The following MAK variants were observed in gnomAD, a reference collection of about 807,000 sequenced individuals.
MAK encodes male germ cell associated kinase.
Under a neutral mutation model 82.6 loss-of-function variants are expected in MAK, and 65 were observed. The observed-to-expected ratio is 0.79, with a 90% CI of 0.64 to 0.97. The LOEUF (loss-of-function observed/expected upper bound fraction) is 0.97. Ranked by LOEUF, MAK falls within the 50% of genes least tolerant of loss-of-function variation. The pLI, the probability that MAK is intolerant of heterozygous loss-of-function variation, is 0.00. For missense variants in MAK, 703 were observed against 780.2 expected (o/e 0.90, Z 1.18); for synonymous variants, 250 against 274.2 (o/e 0.91, Z 0.87).
intron 11 of MAK, among the ~76,000 whole-genome samples, 159 bp downstream of exon 11, chr6:10,784,265 G>A (rs191662572): frequency 6.6e-6 from 1 of 152,248 alleles, no homozygotes; most frequent in African/African-American, 2.4e-5. Flanking sequence ...GTAGAAACAG[G>A]AGGTCCAGAA....
intron 1 of MAK, among the ~76,000 whole-genome samples, chr6:10,836,933 C>T (rs1779183416): frequency 6.6e-6 from 1 of 152,166 alleles, no homozygotes; most frequent in Non-Finnish European, 1.5e-5. Context: ...TAGTTTTCAA[C>T]TTTTTAATCT....
intron 4 of MAK, among the ~76,000 whole-genome samples, chr6:10,815,912 G>GTGTATGTATATA (rs1554184483): frequency 2.8e-5 from 3 of 108,320 alleles, no homozygotes; most frequent in African/African-American, 1.4e-4. Context: ...GCTTTATACA[G>GTGTATGTATATA]TATATATATA....
At chr6:10,797,640 T>G (rs978975791) in intron 8 of MAK, 3 of 985,276 alleles carry the variant, frequency 3.0e-6, no homozygotes, top group African/African-American at 1.7e-5. Context: ...TGGTCATTTT[T>G]GGGGGGATGG....
intron 4 of MAK, among the ~76,000 whole-genome samples, chr6:10,817,010 A>G (rs1396065691): frequency 6.6e-6 from 1 of 152,160 alleles, no homozygotes; most frequent in African/African-American, 2.4e-5. Flanking sequence ...ATTTTAATTG[A>G]CATTAATGTT....
At chr6:10,805,826 C>T (rs1379362493) in intron 6 of MAK, among the ~76,000 whole-genome samples, 1 of 152,216 alleles carries the variant, frequency 6.6e-6, no homozygotes, top group Non-Finnish European at 1.5e-5. Flanking sequence ...ACACTGCTTT[C>T]TCCCAAGGTG....
At chr6:10,788,919 T>C (rs898552499) in intron 10 of MAK, among the ~76,000 whole-genome samples, 2 of 152,122 alleles carry the variant, frequency 1.3e-5, no homozygotes, top group Non-Finnish European at 2.9e-5. Context: ...TAACAGCAGA[T>C]AGAAACAGTA....
At chr6:10,764,679 CT>C in intron 14 of MAK, 73 bp from the exon 15 acceptor site, 4 of 1,322,822 alleles carry the variant, frequency 3.0e-6, no homozygotes, top group Non-Finnish European at 4.3e-6. Context: ...GAAATTCATC[CT>C]CTCATTTGAT....
At chr6:10,777,255 A>C (rs1413194845) in intron 11 of MAK, among the ~76,000 whole-genome samples, 1 of 151,716 alleles carries the variant, frequency 6.6e-6, no homozygotes, top group South Asian at 2.1e-4. Context: ...AAAAGAATAC[A>C]AAAAAAATTA....
rs1772124518 is a variant in MAK at position 10,763,533 on chromosome 6, A to G, written c.*919T>C. 2 of 120,444 alleles carry G rather than the reference A, an allele frequency of 1.7e-5. No individual in the cohort carries two copies. The highest frequency in any genetic ancestry group is 5.6e-4 in the South Asian group (2 of 3,542). 7.5% of individuals were successfully genotyped at this position (120,444 alleles called of 1,614,324 possible). ...AACTTTGATATTCTCTATGTTAAAG[A>G]TAAATTTATTTCTAAAAAAAAAAAA... On this transcript the variant is annotated 3_prime_UTR_variant, in exon 15 of 15. Transcript: ENST00000354489.
intron 13 of MAK, among the ~76,000 whole-genome samples, chr6:10,772,106 A>T (rs1773068055): frequency 6.6e-6 from 1 of 152,248 alleles, no homozygotes; most frequent in African/African-American, 2.4e-5. Context: ...AAAATGGGAT[A>T]TATCAGACTC....
At chr6:10,818,572 C>T (rs1777669897) in intron 3 of MAK, among the ~76,000 whole-genome samples, 1 of 148,460 alleles carries the variant, frequency 6.7e-6, no homozygotes, top group African/African-American at 2.5e-5. Flanking sequence ...TGAGATCACA[C>T]CACTGCACTC....
At chr6:10,818,065 G>A in intron 3 of MAK, 94 bp from the exon 4 acceptor site, 1 of 661,978 alleles carries the variant, frequency 1.5e-6, no homozygotes, top group Non-Finnish European at 2.5e-6. Context: ...ATTACCTTAT[G>A]TAATTTTCCA....
intron 14 of MAK, among the ~76,000 whole-genome samples, chr6:10,764,937 AC>A (rs1453294236): frequency 1.5e-4 from 23 of 152,120 alleles, no homozygotes; most frequent in Non-Finnish European, 3.2e-4. Flanking sequence ...TACTAAAAAT[AC>A]AAAAAAAATC....
At chr6:10,790,174 C>T (rs1223436135) in intron 10 of MAK, among the ~76,000 whole-genome samples, 1 of 152,162 alleles carries the variant, frequency 6.6e-6, no homozygotes, top group African/African-American at 2.4e-5. Context: ...CTTGAGTGGG[C>T]TTTTCCTCCA....
chr6:10,812,910 C>T (rs1472210620), intron 5 of MAK, among the ~76,000 whole-genome samples: 2 of 149,338 alleles, frequency 1.3e-5, no homozygotes, highest in African/African-American at 2.5e-5. Flanking sequence ...ATTATAGGCG[C>T]GCGCCACCAA....
rs903132777 is a variant in MAK, at chr6:10,830,453, C to T, written c.101+95G>A. ...TGCTGGGATTACAGGCATGAGCCAC[C>T]GCGCTGGCCTGTGCTGGTATATATT... On this transcript the variant is annotated intron_variant, in intron 2 of 14. Coordinates refer to ENST00000354489, the MANE Select transcript of MAK (RefSeq NM_001242957.3). The T allele has an allele frequency of 4.3e-5, 45 of 1,043,238 alleles. No individual in the cohort carries two copies. The African/African-American group carries it at 5.8e-4, about 13-fold the overall frequency. The allele number at this position is 1,043,238 out of a possible 1,614,324, so 64.6% of individuals were successfully genotyped here.
intron 3 of MAK, among the ~76,000 whole-genome samples, 184 bp downstream of exon 3, chr6:10,818,702 T>G (rs1777687663): frequency 2.6e-5 from 4 of 151,884 alleles, no homozygotes; most frequent in African/African-American, 9.7e-5. Flanking sequence ...TGTGAGGATA[T>G]AATTATACGC....
intron 10 of MAK, among the ~76,000 whole-genome samples, chr6:10,789,917 A>G (rs1208293730): frequency 1.3e-5 from 2 of 152,188 alleles, no homozygotes; most frequent in African/African-American, 2.4e-5. Context: ...CAGCCTCCCA[A>G]AGTGCTGGGA....
chr6:10,784,179 G>T (rs1774298895), intron 11 of MAK, among the ~76,000 whole-genome samples: 1 of 152,050 alleles, frequency 6.6e-6, no homozygotes, highest in Admixed American at 6.6e-5. Flanking sequence ...GGGGGTGGGG[G>T]TTGGTGTTTT....
Sources: allele counts gnomAD v4.1 joint callset (sites outside exome capture counted in the v4.1 genomes callset), GRCh38; gene constraint gnomAD v4.1.1; transcripts MANE v1.5; gene names NCBI Gene and HGNC (gene_info 2026-07-23, HGNC 2026-07-21).